Variants in CDK8 observed in about 807,000 individuals in gnomAD.
CDK8 encodes cyclin-dependent kinase 8.
CDK8 carries 29 observed loss-of-function variants against 71.5 expected under a neutral mutation model. The ratio of observed to expected loss-of-function variants is 0.41; its 90% confidence interval spans 0.30 to 0.55. CDK8 has a LOEUF of 0.55. CDK8 is among the 20% of genes least tolerant of loss of function. CDK8 has a pLI of 0.37. For missense variants in CDK8, 288 were observed against 572.6 expected, an observed-to-expected ratio of 0.50 and a Z score of 5.07; for synonymous variants, 161 against 192.1, an observed-to-expected ratio of 0.84 and a Z score of 1.34.
chr13:26,304,708 T>G (rs1354226790), intron 1 of CDK8, among the ~76,000 whole-genome samples: 1 of 152,038 alleles, frequency 6.6e-6, no homozygotes, highest in African/African-American at 2.4e-5. Context: ...GTGATCAGAG[T>G]TCACTGTAAA....
chr13:26,256,165 G>A (rs1030840437), intron 1 of CDK8, among the ~76,000 whole-genome samples: 8 of 152,178 alleles, frequency 5.3e-5, no homozygotes, highest in African/African-American at 1.9e-4. Context: ...GGCGCCGCAC[G>A]TATTTAAAAG....
chr13:26,362,266 GGATA>G (rs1163618681), intron 4 of CDK8, among the ~76,000 whole-genome samples: 34 of 131,892 alleles, frequency 2.6e-4, no homozygotes, highest in African/African-American at 5.6e-4. Context: ...ATGGATGGAT[GGATA>G]GATAGATGAA....
intron 1 of CDK8, among the ~76,000 whole-genome samples, chr13:26,307,348 A>C (rs1432778193): frequency 1.3e-5 from 2 of 152,186 alleles, no homozygotes; most frequent in Admixed American, 6.5e-5. Flanking sequence ...TCAGAGAAGG[A>C]GGTATGACAA....
chr13:26,303,016 C>T (rs951931133), intron 1 of CDK8, among the ~76,000 whole-genome samples: 2 of 152,022 alleles, frequency 1.3e-5, no homozygotes, highest in African/African-American at 4.8e-5. Context: ...TTTAATGAGT[C>T]AGTGTTTGGA....
chr13:26,344,231 CT>C (rs1873365523), intron 2 of CDK8, among the ~76,000 whole-genome samples: 1 of 152,054 alleles, frequency 6.6e-6, no homozygotes, highest in Non-Finnish European at 1.5e-5. Context: ...TGATTTTATT[CT>C]TTTTTATGGC....
intron 2 of CDK8, among the ~76,000 whole-genome samples, chr13:26,346,081 G>C (rs140022685): frequency 9.7e-4 from 148 of 152,280 alleles, no homozygotes; most frequent in African/African-American, 3.2e-3. Flanking sequence ...ACAAGTACTG[G>C]CTTTGTGTTT....
At chr13:26,357,554 A>G (rs1873945048) in intron 4 of CDK8, among the ~76,000 whole-genome samples, 2 of 152,150 alleles carry the variant, frequency 1.3e-5, no homozygotes, top group Non-Finnish European at 2.9e-5. Context: ...GGGAAGGGAA[A>G]ATAGTTTGAC....
chr13:26,348,896 C>CACTGA (rs552721074), intron 2 of CDK8, among the ~76,000 whole-genome samples, 176 bp from the exon 3 acceptor site: 23 of 152,174 alleles, frequency 1.5e-4, no homozygotes, highest in Admixed American at 5.2e-4. Flanking sequence ...GTCTTTTCCT[C>CACTGA]ACAGATATCT....
intron 4 of CDK8, among the ~76,000 whole-genome samples, chr13:26,358,794 A>C (rs908776434): frequency 6.6e-6 from 1 of 152,216 alleles, no homozygotes. Flanking sequence ...ATGTACATAC[A>C]ATAGAATATT....
At chr13:26,337,516 T>G in intron 1 of CDK8, 51 bp from the exon 2 acceptor site, 1 of 690,372 alleles carries the variant, frequency 1.4e-6, no homozygotes, top group Middle Eastern at 4.3e-4. Context: ...TTTATAAAAA[T>G]GCACATAAAT....
chr13:26,301,010 T>G (rs1364790997), intron 1 of CDK8, among the ~76,000 whole-genome samples: 1 of 152,164 alleles, frequency 6.6e-6, no homozygotes, highest in Non-Finnish European at 1.5e-5. Flanking sequence ...TTTTTGTTTT[T>G]GATCAGGAAG....
In CDK8 at chr13:26,348,090, A is replaced by G. The variant is rs568249081; in HGVS notation, c.205-982A>G. 5.9e-5 allele frequency among the ~76,000 whole-genome samples: 9 copies of G among 152,070 alleles called. 1 individual carries two copies. The South Asian group carries it at 1.9e-3, about 32-fold the overall frequency. The stretch of plus-strand genomic sequence containing the variant: ...ATGTGATATCTATATATATATCTAT[A>G]TAGATATATATATAGATATGCATAG... On this transcript the variant is annotated intron_variant, in intron 2 of 12. Coordinates refer to ENST00000381527, the MANE Select transcript of CDK8 (RefSeq NM_001260.3).
chr13:26,332,613 G>T (rs1041402269), intron 1 of CDK8, among the ~76,000 whole-genome samples: 1 of 152,078 alleles, frequency 6.6e-6, no homozygotes, highest in African/African-American at 2.4e-5. Flanking sequence ...CCAGTGCTAT[G>T]TTGAATAAGA....
chr13:26,400,613 C>A, intron 10 of CDK8, 63 bp downstream of exon 10: 1 of 953,286 alleles, frequency 1.0e-6, no homozygotes, highest in Non-Finnish European at 1.7e-6. Context: ...CTTTCTTCTG[C>A]TTGTCAGCTC....
At position 26,361,897 on chromosome 13, in the gene CDK8, C is replaced by T. The variant is rs117551461; in HGVS notation, c.456+8017C>T. Among the ~76,000 whole-genome samples the T allele has an allele frequency of 5.1e-3, 735 of 143,728 alleles. 35 individuals carry two copies. The East Asian group carries it at 0.13, about 26-fold the overall frequency. 94.3% of individuals were successfully genotyped at this position (143,728 alleles called of 152,430 possible). On this transcript the variant is annotated intron_variant, in intron 4 of 12. Coordinates refer to ENST00000381527, the MANE Select transcript of CDK8 (RefSeq NM_001260.3). ...GTCCTGCCTCAGCCTTCCAAAGTGC[C>T]GGGATTACAGGCCTGAGCCACCACA...
intron 1 of CDK8, among the ~76,000 whole-genome samples, chr13:26,305,977 T>C (rs1874023732): frequency 6.6e-6 from 1 of 151,442 alleles, no homozygotes; most frequent in African/African-American, 2.4e-5. Context: ...TGCCTGGTTA[T>C]TTTTTTTTAT....
chr13:26,336,063 C>T (rs918247356), intron 1 of CDK8, among the ~76,000 whole-genome samples: 4 of 151,954 alleles, frequency 2.6e-5, no homozygotes, highest in Non-Finnish European at 4.4e-5. Context: ...TCCAGTCTCC[C>T]TCAAATGCTT....
intron 5 of CDK8, among the ~76,000 whole-genome samples, chr13:26,383,240 A>T (rs541456422): frequency 4.6e-5 from 7 of 152,342 alleles, no homozygotes; most frequent in African/African-American, 1.7e-4. Context: ...CGCTTGAGTC[A>T]GATTAGATGA....
intron 4 of CDK8, among the ~76,000 whole-genome samples, chr13:26,375,284 G>A (rs563478382): frequency 5.9e-5 from 9 of 152,228 alleles, no homozygotes; most frequent in South Asian, 2.1e-4. Context: ...TCCATTGAGC[G>A]TGTATTACCT....
Sources: gnomAD v4.1 joint callset for allele counts (sites outside exome capture counted in the v4.1 genomes callset) on GRCh38, gnomAD v4.1.1 for gene constraint, MANE v1.5 for transcripts, NCBI Gene and HGNC (gene_info 2026-07-23, HGNC 2026-07-21) for gene names.